Variants in UNC13C observed in about 807,000 individuals in gnomAD.
UNC13C encodes the protein unc-13 homolog C, also known as protein unc-13 homolog C.
A neutral mutation model predicts 245.4 loss-of-function variants in UNC13C; 174 were observed. The observed-to-expected ratio is 0.71, with a 90% CI of 0.63 to 0.80. UNC13C has a LOEUF of 0.80. UNC13C is among the 30% of genes least tolerant of loss of function. The pLI is 0.00. For missense variants in UNC13C, 2,829 were observed against 2,602.9 expected, an observed-to-expected ratio of 1.09 and a Z score of -1.89; for synonymous variants, 992 against 895.1, an observed-to-expected ratio of 1.11 and a Z score of -1.93.
chr15:54,076,145 A>G (rs1426453445), intron 2 of UNC13C, among the ~76,000 whole-genome samples: 1 of 146,170 alleles, frequency 6.8e-6, no homozygotes, highest in African/African-American at 2.5e-5. Context: ...TTTAGGGTAC[A>G]TGTGCACATT....
intron 14 of UNC13C, among the ~76,000 whole-genome samples, chr15:54,325,496 G>T (rs947076213): frequency 1.3e-5 from 2 of 151,944 alleles, no homozygotes; most frequent in Non-Finnish European, 2.9e-5. Context: ...GTGCCATGTT[G>T]GTTTGCTGCA....
chr15:54,414,247 G>A (rs1226598831), intron 18 of UNC13C, among the ~76,000 whole-genome samples: 3 of 152,118 alleles, frequency 2.0e-5, no homozygotes, highest in Non-Finnish European at 4.4e-5. Context: ...ACTTAATTGT[G>A]CTTCAAAGAA....
chr15:54,608,385 A>C (rs1162513941), intron 30 of UNC13C, among the ~76,000 whole-genome samples: 21 of 152,232 alleles, frequency 1.4e-4, no homozygotes, highest in Non-Finnish European at 2.9e-5. Context: ...GGAATGCTAA[A>C]ATGATTGCCC....
chr15:54,614,125 T>G (rs1900275615), intron 30 of UNC13C, among the ~76,000 whole-genome samples: 1 of 152,060 alleles, frequency 6.6e-6, no homozygotes, highest in Admixed American at 6.6e-5. Flanking sequence ...TTCTCTTTCC[T>G]TTTATGAAAC....
chr15:53,942,703 ACC>A, the UNC13C span, among the ~76,000 whole-genome samples: 1 of 152,140 alleles, frequency 6.6e-6, no homozygotes, highest in South Asian at 2.1e-4. Flanking sequence ...TCACTCTGTC[ACC>A]CAGGCTGGAG....
chr15:54,502,837 T>C (rs1894289108), intron 22 of UNC13C, among the ~76,000 whole-genome samples: 1 of 152,098 alleles, frequency 6.6e-6, no homozygotes, highest in Non-Finnish European at 1.5e-5. Context: ...GTTATGTAAG[T>C]TGGGCGACAT....
chr15:53,838,328 G>A, the UNC13C span, among the ~76,000 whole-genome samples: 1 of 151,752 alleles, frequency 6.6e-6, no homozygotes, highest in Non-Finnish European at 1.5e-5. Flanking sequence ...ATATTTTTTA[G>A]AAGGCTTACT....
chr15:54,464,517 A>G (rs1363092538), intron 19 of UNC13C, among the ~76,000 whole-genome samples: 1 of 152,132 alleles, frequency 6.6e-6, no homozygotes, highest in Non-Finnish European at 1.5e-5. Context: ...TATTTAATAG[A>G]CTTTTTCTTC....
At position 54,235,092 on chromosome 15, in the gene UNC13C, C is replaced by G. The variant is rs1166192750; in HGVS notation, c.3134C>G (p.Pro1045Arg). ...GATCTTCGCAGAAAAAAAACTTTGC[C>G]TATTGTCCGAGATGTGGTAAGTTAC... Reference protein sequence around the residue: ...MPDLRRKKTLPIVRDVAMTLA... With the variant: ...MPDLRRKKTLRIVRDVAMTLA... Residue 1045 changes from proline (P) to arginine (R), a missense_variant, in exon 5 of 33, where the codon CCT becomes CGT. Transcript: ENST00000260323. The G allele has an allele frequency of 1.2e-6, 2 of 1,613,688 alleles. No homozygotes were observed. Among genetic ancestry groups the G allele is most frequent in the Non-Finnish European group, 8.5e-7 (1 of 1,179,820 alleles).
chr15:54,110,305 T>C (rs1900703623), intron 2 of UNC13C, among the ~76,000 whole-genome samples: 1 of 151,596 alleles, frequency 6.6e-6, no homozygotes, highest in African/African-American at 2.4e-5. Context: ...GTATAAATAT[T>C]AATAGATACT....
intron 8 of UNC13C, among the ~76,000 whole-genome samples, chr15:54,258,132 G>T (rs1261304021): frequency 6.6e-6 from 1 of 151,852 alleles, no homozygotes; most frequent in African/African-American, 2.4e-5. Flanking sequence ...GGGTCCATCA[G>T]TCTCAAATGC....
chr15:54,230,022 A>G (rs2035505507), intron 4 of UNC13C, among the ~76,000 whole-genome samples: 1 of 152,052 alleles, frequency 6.6e-6, no homozygotes, highest in Non-Finnish European at 1.5e-5. Context: ...TAATCCACTG[A>G]TAGACACTTA....
At chr15:54,272,033 T>C (rs1029564666) in intron 10 of UNC13C, among the ~76,000 whole-genome samples, 4 of 152,220 alleles carry the variant, frequency 2.6e-5, no homozygotes, top group Non-Finnish European at 5.9e-5. Context: ...ATTATAAACC[T>C]GAATACCAGT....
chr15:54,377,187 T>A (rs971180921), intron 17 of UNC13C, among the ~76,000 whole-genome samples: 3 of 152,180 alleles, frequency 2.0e-5, no homozygotes, highest in African/African-American at 4.8e-5. Context: ...CACAGCATAA[T>A]GGCTGTATTT....
In UNC13C at chr15:53,983,942, C is replaced by T. The variant is rs958229069; in HGVS notation, c.-257+5015C>T. Among the ~76,000 whole-genome samples the T allele has an allele frequency of 2.0e-5, 3 of 152,042 alleles. No homozygotes were observed. The South Asian group carries it at 6.2e-4, about 32-fold the overall frequency. Reference sequence around the variant, plus strand: ...TCTTGTTTTCTCTTTAACACTTGGTCTCCAGCCATGTCTTCTGTTATCTTC... The same window carrying T: ...TCTTGTTTTCTCTTTAACACTTGGTTTCCAGCCATGTCTTCTGTTATCTTC... On this transcript the variant is annotated intron_variant, in intron 1 of 32. Transcript: ENST00000260323.
chr15:54,320,074 A>G (rs2038110311), intron 13 of UNC13C, among the ~76,000 whole-genome samples: 1 of 152,008 alleles, frequency 6.6e-6, no homozygotes, highest in Non-Finnish European at 1.5e-5. Context: ...AATTGCTTAC[A>G]GAAGATATTT....
chr15:54,203,530 A>G (rs200819596), intron 4 of UNC13C, among the ~76,000 whole-genome samples: 4 of 123,300 alleles, frequency 3.2e-5, no homozygotes, highest in African/African-American at 1.0e-4. Flanking sequence ...ATATATATGT[A>G]TATATATATA....
chr15:54,345,378 A>G (rs2038836268), intron 17 of UNC13C, among the ~76,000 whole-genome samples: 1 of 152,178 alleles, frequency 6.6e-6, no homozygotes, highest in Non-Finnish European at 1.5e-5. Context: ...TGCTTGCCTA[A>G]AGCCTCTTGC....
chr15:54,265,100 T>C (rs2036519670), intron 9 of UNC13C, among the ~76,000 whole-genome samples: 1 of 152,006 alleles, frequency 6.6e-6, no homozygotes, highest in Admixed American at 6.6e-5. Context: ...TGTATGAGTA[T>C]ATAGCTAATA....
Sources: allele counts gnomAD v4.1 joint callset (sites outside exome capture counted in the v4.1 genomes callset), GRCh38; gene constraint gnomAD v4.1.1; transcripts MANE v1.5; gene names NCBI Gene and HGNC (gene_info 2026-07-23, HGNC 2026-07-21).